The following PTPRT variants were observed in gnomAD, a reference collection of about 807,000 sequenced individuals.
PTPRT encodes protein tyrosine phosphatase receptor type T.
In PTPRT, 56 loss-of-function variants were observed where a neutral mutation model predicts 176.8. The observed-to-expected ratio is 0.32, with a 90% CI of 0.26 to 0.40. The LOEUF is 0.40. PTPRT is among the 10% of genes least tolerant of loss of function. The pLI, the probability that PTPRT is intolerant of heterozygous loss-of-function variation, is 1.00. For synonymous variants in PTPRT, 783 were observed against 739.0 expected, an observed-to-expected ratio of 1.06 and a Z score of -0.96; for missense variants, 1,540 against 1,908.2, an observed-to-expected ratio of 0.81 and a Z score of 3.60.
At chr20:42,185,956 AG>A (rs1990764523) in intron 16 of PTPRT, among the ~76,000 whole-genome samples, 1 of 152,078 alleles carries the variant, frequency 6.6e-6, no homozygotes, top group South Asian at 2.1e-4. Context: ...CATCTAGTAG[AG>A]GGGTCAAGTC....
chr20:42,824,531 T>C (rs1364087911), intron 2 of PTPRT, among the ~76,000 whole-genome samples: 2 of 152,052 alleles, frequency 1.3e-5, no homozygotes, highest in African/African-American at 4.8e-5. Flanking sequence ...AAACTATTAA[T>C]TCATGGTTCT....
chr20:42,621,377 C>T (rs765937982), intron 7 of PTPRT, among the ~76,000 whole-genome samples: 1 of 152,222 alleles, frequency 6.6e-6, no homozygotes, highest in Non-Finnish European at 1.5e-5. Flanking sequence ...GTCTCTCCAA[C>T]AACCTCCTGT....
chr20:42,360,315 G>T (rs908265217), intron 9 of PTPRT, among the ~76,000 whole-genome samples: 1 of 152,084 alleles, frequency 6.6e-6, no homozygotes, highest in African/African-American at 2.4e-5. Context: ...CAGACTCATT[G>T]CCTTCCCTCC....
chr20:42,738,355 T>C (rs1224949592), intron 6 of PTPRT, among the ~76,000 whole-genome samples: 1 of 151,858 alleles, frequency 6.6e-6, no homozygotes, highest in East Asian at 1.9e-4. Flanking sequence ...CTACTAAAAA[T>C]ACAAAAATTA....
chr20:42,749,075 C>A (rs2076731986), intron 6 of PTPRT, among the ~76,000 whole-genome samples: 1 of 152,102 alleles, frequency 6.6e-6, no homozygotes, highest in East Asian at 1.9e-4. Context: ...TGACCATAGC[C>A]AGCTGTCTGA....
intron 1 of PTPRT, among the ~76,000 whole-genome samples, chr20:43,130,686 A>C (rs528749082): frequency 1.1e-3 from 174 of 152,246 alleles, no homozygotes; most frequent in Middle Eastern, 0.01. Context: ...CCAGAAGAAA[A>C]TTTCAAAAAT....
At chr20:42,355,991 A>G (rs975890234) in intron 9 of PTPRT, among the ~76,000 whole-genome samples, 10 of 152,300 alleles carry the variant, frequency 6.6e-5, no homozygotes, top group Non-Finnish European at 8.8e-5. Context: ...AAATCAATGT[A>G]TGTTAATATA....
intron 12 of PTPRT, 50 bp downstream of exon 12, chr20:42,315,673 T>C (rs992932489): frequency 6.3e-7 from 1 of 1,582,292 alleles, no homozygotes; most frequent in African/African-American, 1.3e-5. Context: ...CATTTGAGAA[T>C]GAAAAAATGC....
intron 9 of PTPRT, among the ~76,000 whole-genome samples, chr20:42,405,343 T>G (rs933690023): frequency 6.6e-6 from 1 of 152,020 alleles, no homozygotes; most frequent in African/African-American, 2.4e-5. Context: ...CCCTCCCCAA[T>G]TTCCCCACCC....
chr20:43,009,316 G>A (rs1473138612), intron 1 of PTPRT, among the ~76,000 whole-genome samples: 1 of 152,152 alleles, frequency 6.6e-6, no homozygotes, highest in Non-Finnish European at 1.5e-5. Flanking sequence ...CCCTGTGAGA[G>A]AATCTGAAAT....
At chr20:43,121,584 G>A (rs2013260729) in intron 1 of PTPRT, among the ~76,000 whole-genome samples, 1 of 152,154 alleles carries the variant, frequency 6.6e-6, no homozygotes, top group African/African-American at 2.4e-5. Flanking sequence ...TTCAGCACCT[G>A]TGCATATGCT....
At chr20:42,632,368 A>T (rs900353669) in intron 7 of PTPRT, among the ~76,000 whole-genome samples, 1 of 151,922 alleles carries the variant, frequency 6.6e-6, no homozygotes, top group Non-Finnish European at 1.5e-5. Context: ...CCTCCTTAAT[A>T]GCTGGGATTA....
chr20:42,175,343 G>T (rs148545416), intron 16 of PTPRT, among the ~76,000 whole-genome samples: 4 of 151,720 alleles, frequency 2.6e-5, no homozygotes. Context: ...CTGAATTCTC[G>T]CCCACCTGAG....
intron 12 of PTPRT, among the ~76,000 whole-genome samples, chr20:42,296,586 A>G (rs914102397): frequency 5.3e-5 from 8 of 152,202 alleles, no homozygotes; most frequent in African/African-American, 1.9e-4. Context: ...TAAAATTAAT[A>G]TAGTAAATTA....
intron 2 of PTPRT, among the ~76,000 whole-genome samples, chr20:42,798,360 A>C (rs2077481705): frequency 6.6e-6 from 1 of 152,202 alleles, no homozygotes. Flanking sequence ...AAGACATCAA[A>C]AGGCACAATG....
chr20:42,338,776 G>C (rs2058074113), intron 11 of PTPRT, among the ~76,000 whole-genome samples: 1 of 152,084 alleles, frequency 6.6e-6, no homozygotes, highest in African/African-American at 2.4e-5. Context: ...TAGTTCTCTT[G>C]GGATTCTGAG....
At position 42,639,904 on chromosome 20, in the gene PTPRT, G is replaced by A. The variant is rs117074187; in HGVS notation, c.1153+37962C>T. On this transcript the variant is annotated intron_variant, in intron 7 of 30. Transcript: ENST00000373187. ...TCCGTCAGCATTTCAAATTGTCTAC[G>A]CCGCTTCTGCTTTACAAAATAACCA... is the stretch of plus-strand genomic sequence containing the variant. Among the ~76,000 whole-genome samples the A allele has an allele frequency of 2.0e-3, 297 of 151,852 alleles. 5 individuals are homozygous for A. The highest frequency in any genetic ancestry group is 0.011 in the East Asian group (59 of 5,164).
At chr20:42,167,420 C>T (rs1010929391) in intron 16 of PTPRT, among the ~76,000 whole-genome samples, 6 of 152,158 alleles carry the variant, frequency 3.9e-5, no homozygotes, top group South Asian at 4.1e-4. Context: ...TTTCACAGTT[C>T]CCTTTACAGA....
At chr20:42,551,610 T>G (rs1175890596) in intron 7 of PTPRT, among the ~76,000 whole-genome samples, 1 of 152,164 alleles carries the variant, frequency 6.6e-6, no homozygotes, top group Non-Finnish European at 1.5e-5. Context: ...TGTCTACATC[T>G]GTGATAGAAA....
Sources: allele counts gnomAD v4.1 joint callset (sites outside exome capture counted in the v4.1 genomes callset), GRCh38; gene constraint gnomAD v4.1.1; transcripts MANE v1.5; gene names NCBI Gene and HGNC (gene_info 2026-07-23, HGNC 2026-07-21).